Variants in CCDC66 observed in about 807,000 individuals in gnomAD.
CCDC66 encodes the protein coiled-coil domain-containing protein 66.
In CCDC66, 133 loss-of-function variants were observed where a neutral mutation model predicts 128.3. The observed-to-expected ratio is 1.04, with a 90% CI of 0.90 to 1.20. CCDC66 has a LOEUF of 1.20. Among genes scored for constraint, CCDC66 ranks in the 50% most tolerant of loss-of-function variants. The pLI is 0.00. For synonymous variants in CCDC66, 387 were observed against 357.0 expected (o/e 1.08, Z -0.95); for missense variants, 1,126 against 1,075.5 (o/e 1.05, Z -0.66).
chr3:56,597,163 T>C (rs1003484908), intron 10 of CCDC66, among the ~76,000 whole-genome samples: 2 of 152,034 alleles, frequency 1.3e-5, no homozygotes, highest in Non-Finnish European at 2.9e-5. Flanking sequence ...GTGTGTGCTT[T>C]CCCCAACTAT....
chr3:56,561,109 A>C, intron 3 of CCDC66: 1 of 426,248 alleles, frequency 2.3e-6, no homozygotes, highest in Non-Finnish European at 4.7e-6. Context: ...CCAATCACAG[A>C]CTACAGATTG....
intron 10 of CCDC66, among the ~76,000 whole-genome samples, chr3:56,605,279 T>C (rs948342092): frequency 1.3e-5 from 2 of 152,110 alleles, no homozygotes; most frequent in African/African-American, 2.4e-5. Context: ...TGTCAATTCG[T>C]AAAACTCATT....
chr3:56,592,676 G>C (rs889412165), intron 7 of CCDC66, among the ~76,000 whole-genome samples: 1 of 151,940 alleles, frequency 6.6e-6, no homozygotes, highest in South Asian at 2.1e-4. Flanking sequence ...AATTTTGAAA[G>C]TCTTTTAATT....
chr3:56,573,551 T>G (rs2066920308), intron 7 of CCDC66, among the ~76,000 whole-genome samples: 1 of 152,224 alleles, frequency 6.6e-6, no homozygotes, highest in African/African-American at 2.4e-5. Context: ...TGCCCCTTCA[T>G]GGGTCCCATG....
Position 56,615,195 on chromosome 3 carries a change from G to A in CCDC66, c.1634G>A (p.Arg545Lys), listed in dbSNP as rs762322167. 6.3e-5 allele frequency: 102 copies of A among 1,613,880 alleles called. No individual in the cohort carries two copies. The highest frequency in any genetic ancestry group is 8.4e-5 in the Non-Finnish European group (99 of 1,179,988). ...CAGCGAGCACAGGAACTGGCACAGA[G>A]ACTAAAACAAGAACAAAGAATCCGA... ...TMQRAQELAQRLKQEQRIREL... is the reference protein window; with the variant it reads ...TMQRAQELAQKLKQEQRIREL... Residue 545 changes from arginine (R) to lysine (K), a missense_variant, in exon 12 of 18, where the codon AGA becomes AAA. Transcript: ENST00000394672.
At chr3:56,560,805 CAGT>C (rs2064999761) in intron 3 of CCDC66, 1 of 434,850 alleles carries the variant, frequency 2.3e-6, no homozygotes, top group Non-Finnish European at 4.5e-6. Context: ...AGATTAATAT[CAGT>C]AGGAATTTCT....
At position 56,621,572 on chromosome 3, in the gene CCDC66, T is replaced by A. The variant is rs770110705; in HGVS notation, c.2801T>A (p.Leu934Gln). The A allele has an allele frequency of 6.2e-7, 1 of 1,602,800 alleles. No homozygotes were observed. The highest frequency in any genetic ancestry group is 8.5e-7 in the Non-Finnish European group (1 of 1,175,254). Residue 934 changes from leucine to glutamine, a missense_variant, in exon 18 of 18, where the codon CTG becomes CAG. Leu to Gln is a moderately radical substitution (Grantham distance 113, BLOSUM62 -2). Transcript: ENST00000394672. ...CAAAAGGAGTTGGAAAGTAGTCTCC[T>A]GCCTTTAGCTGAAAATCAAGAAGAG... ...QKQKELESSL[L>Q]PLAENQEESF...
chr3:56,617,502 AT>A lies in CCDC66; in HGVS notation c.2235del (p.Asn745LysfsTer28), dbSNP rs2075664278. ...QMELLHLVEK[N>X]NPGHLSQNRG... ...GAATTGCTTCATTTGGTAGAAAAAA[AT>A]AATCCTGGGCACCTCTCTCAAAACA... On this transcript the variant is annotated frameshift_variant, in exon 14 of 18. Transcript: ENST00000394672. LOFTEE classifies it high-confidence loss of function. 2.5e-6 allele frequency: 4 copies of A among 1,613,830 alleles called. No individual in the cohort carries two copies. Among genetic ancestry groups the A allele is most frequent in the Admixed American group, 1.7e-5 (1 of 59,980 alleles).
At chr3:56,573,980 A>G (rs914186466) in intron 7 of CCDC66, among the ~76,000 whole-genome samples, 3 of 151,840 alleles carry the variant, frequency 2.0e-5, no homozygotes, top group Admixed American at 6.6e-5. Flanking sequence ...TGATGGGAGA[A>G]GGACTAGAAA....
At chr3:56,558,111 C>G (rs17056889) in intron 1 of CCDC66, among the ~76,000 whole-genome samples, 3,977 of 152,234 alleles carry the variant, frequency 0.026, 92 homozygotes, top group African/African-American at 0.062. Context: ...ATTTCCCCTA[C>G]CTGAGCAACA....
intron 10 of CCDC66, among the ~76,000 whole-genome samples, chr3:56,597,781 T>TTTTTTG (rs1021045700): frequency 5.8e-5 from 7 of 120,452 alleles, no homozygotes; most frequent in Admixed American, 1.7e-4. Flanking sequence ...TTTGGGGTTT[T>TTTTTTG]TTTTTTTTTT....
At chr3:56,589,974 A>C (rs1198567505) in intron 7 of CCDC66, among the ~76,000 whole-genome samples, 1 of 152,164 alleles carries the variant, frequency 6.6e-6, no homozygotes, top group Non-Finnish European at 1.5e-5. Context: ...TTAAGTTCAA[A>C]GTAATTTTGT....
chr3:56,618,494 T>TAG, intron 15 of CCDC66: 1 of 328,360 alleles, frequency 3.0e-6, no homozygotes, highest in Non-Finnish European at 5.5e-6. Flanking sequence ...ATTAGCAGAA[T>TAG]AGGCATTCTG....
intron 10 of CCDC66, among the ~76,000 whole-genome samples, chr3:56,602,179 G>A (rs1479438585): frequency 1.3e-5 from 2 of 152,044 alleles, no homozygotes; most frequent in African/African-American, 4.8e-5. Flanking sequence ...TTAGCATGAA[G>A]GGATGTTGAA....
Position 56,594,028 on chromosome 3 carries a change from G to T in CCDC66, c.1404G>T (p.Gln468His). 6.2e-7 allele frequency: 1 copy of T among 1,612,290 alleles called. No homozygotes were observed. Among genetic ancestry groups the T allele is most frequent in the Non-Finnish European group, 8.5e-7 (1 of 1,178,284 alleles). ...DRRRQKQLEH[Q>H]KAITAQVEEK... Reference sequence around the variant, plus strand: ...GACGACAAAAACAATTAGAGCATCAGGTATTGCATTGTTAAACATTGTTCT... The same window carrying T: ...GACGACAAAAACAATTAGAGCATCATGTATTGCATTGTTAAACATTGTTCT... Residue 468 changes from glutamine to histidine, a missense_variant and splice_region_variant, in exon 10 of 18, where the codon CAG becomes CAT. By Grantham distance (24) the Gln-to-His change is conservative (BLOSUM62 0). Transcript: ENST00000394672.
At position 56,617,431 on chromosome 3, in the gene CCDC66, A is replaced by C. The variant is rs150461607; in HGVS notation, c.2163A>C (p.Lys721Asn). 2.4e-5 allele frequency: 39 copies of C among 1,614,000 alleles called. No homozygotes were observed. Among genetic ancestry groups the C allele is most frequent in the Non-Finnish European group, 3.3e-5 (39 of 1,180,016 alleles). The change falls in exon 14 of 18, where the codon AAA becomes AAC. Residue 721 changes from lysine to asparagine, a missense_variant. Physicochemically the swap from Lys to Asn is moderately conservative, Grantham distance 94 (BLOSUM62 0). Transcript: ENST00000394672. Reference protein sequence around the residue: ...RYIPASEKYPKQLQKQREEKK... With the variant: ...RYIPASEKYPNQLQKQREEKK... ...TTCCAGCATCAGAAAAGTACCCTAA[A>C]CAGCTTCAAAAGCAGAGAGAAGAAA...
In CCDC66 at chr3:56,621,669, A is replaced by G; in HGVS notation, c.*51A>G. ...TTGATTTGTGTCTTCCAAATTATAA[A>G]ATGTGCTCACTGGCTCAACTGTATT... On this transcript the variant is annotated 3_prime_UTR_variant, in exon 18 of 18. Coordinates refer to ENST00000394672, the MANE Select transcript of CCDC66 (RefSeq NM_001141947.3). The G allele has an allele frequency of 2.3e-6, 3 of 1,299,578 alleles. No homozygotes were observed. The highest frequency in any genetic ancestry group is 3.3e-6 in the Non-Finnish European group (3 of 918,352). The allele number at this position is 1,299,578 out of a possible 1,614,324, so 80.5% of individuals were successfully genotyped here.
At chr3:56,585,775 A>G (rs1355337147) in intron 7 of CCDC66, among the ~76,000 whole-genome samples, 2 of 151,852 alleles carry the variant, frequency 1.3e-5, no homozygotes, top group Non-Finnish European at 2.9e-5. Flanking sequence ...GAGAACATAG[A>G]CATACTCAGA....
chr3:56,609,261 A>G (rs554513549), intron 10 of CCDC66, among the ~76,000 whole-genome samples: 6 of 152,246 alleles, frequency 3.9e-5, no homozygotes, highest in African/African-American at 1.4e-4. Context: ...AGTAATTACA[A>G]GTTTGGGAGC....
Sources: allele counts gnomAD v4.1 joint callset (sites outside exome capture counted in the v4.1 genomes callset), GRCh38; gene constraint gnomAD v4.1.1; transcripts MANE v1.5; gene names NCBI Gene and HGNC (gene_info 2026-07-23, HGNC 2026-07-21).